ABCA10: variants seen among roughly 807,000 people sequenced by gnomAD.
ABCA10 encodes the protein ATP-binding cassette sub-family A member 10.
ABCA10 carries 169 observed loss-of-function variants against 187.5 expected under a neutral mutation model. That is an observed-to-expected ratio of 0.90 (90% CI 0.80 to 1.02). The LOEUF (loss-of-function observed/expected upper bound fraction) is 1.02, where lower values mean the gene tolerates loss of function less well. Among genes scored for constraint, ABCA10 ranks in the 50% least tolerant of loss-of-function variants. ABCA10 has a pLI of 0.00. For missense variants in ABCA10, 1,727 were observed against 1,812.4 expected, an observed-to-expected ratio of 0.95 and a Z score of 0.86; for synonymous variants, 574 against 601.8, an observed-to-expected ratio of 0.95 and a Z score of 0.68.
chr17:69,238,569 A>C (rs1378227749), intron 1 of ABCA10, among the ~76,000 whole-genome samples: 1 of 152,212 alleles, frequency 6.6e-6, no homozygotes, highest in East Asian at 1.9e-4. Context: ...ACTCTGTCAG[A>C]GAGGGCATGA....
chr17:69,231,990 T>C (rs2074835148), upstream of ABCA10, among the ~76,000 whole-genome samples: 1 of 152,144 alleles, frequency 6.6e-6, no homozygotes, highest in Non-Finnish European at 1.5e-5. Context: ...GGCCTCTTTA[T>C]CATTATATAA....
intron 19 of ABCA10, 91 bp from the exon 20 acceptor site, chr17:69,185,734 A>G: frequency 9.8e-7 from 1 of 1,021,954 alleles, no homozygotes. Flanking sequence ...TAACTATGGA[A>G]AGTCCACATG....
At chr17:69,161,214 G>A (rs1238724940) in intron 27 of ABCA10, among the ~76,000 whole-genome samples, 4 of 152,116 alleles carry the variant, frequency 2.6e-5, no homozygotes, top group African/African-American at 7.2e-5. Context: ...AAAATTTATA[G>A]AAGCAGAAAG....
Position 69,164,110 on chromosome 17 carries a change from A to T in ABCA10, c.3327T>A (p.Asn1109Lys). 1 of 1,590,874 alleles carries T rather than the reference A, an allele frequency of 6.3e-7. No individual in the cohort carries two copies. The highest frequency in any genetic ancestry group is 8.5e-7 in the Non-Finnish European group (1 of 1,172,234). ...TTAAAAGAATGGTTTTATTGACTTC[A>T]TTTATTCTATTGTCCAGACTGTCCA... ...RNLDSLDNRI[N>K]EVNKTILLTT... The change falls in exon 27 of 39, where the codon AAT becomes AAA. Residue 1109 changes from asparagine (N) to lysine (K), a missense_variant. Physicochemically the swap from Asn to Lys is moderately conservative, Grantham distance 94 (BLOSUM62 0). Transcript: ENST00000690296.
rs1295382746 is a variant in ABCA10 at position 69,153,364 on chromosome 17, T to C, written c.4077A>G (p.Ser1359=). The C allele has an allele frequency of 3.1e-6, 5 of 1,613,800 alleles. No individual in the cohort carries two copies. In the Admixed American group the frequency reaches 5.0e-5, roughly 16 times the overall value. The change falls in exon 34 of 39, where the codon TCA becomes TCG. Residue 1359 remains serine, a synonymous_variant. Transcript: ENST00000690296. ...TGAACGGCTCATCTAGAAGCACCAC[T>C]GATGGGTTCCCCAGGATGCTCAGCA... is the stretch of plus-strand genomic sequence containing the variant. ...CFVLSILGNP[S]VVLLDEPFTG...
In ABCA10 at chr17:69,201,713, A is replaced by G. The variant is rs139050388; in HGVS notation, c.1007-45T>C. 2,562 of 1,423,072 alleles carry G rather than the reference A, an allele frequency of 1.8e-3. 29 individuals carry two copies. The African/African-American group carries it at 0.031, about 17-fold the overall frequency. The allele number at this position is 1,423,072 out of a possible 1,614,324, so 88.2% of individuals were successfully genotyped here. A position where few individuals can be genotyped will look rare whatever the true frequency, so the allele number is the denominator to read the frequency against. On this transcript the variant is annotated intron_variant, in intron 9 of 38. Coordinates refer to ENST00000690296, the MANE Select transcript of ABCA10 (RefSeq NM_001377321.1). Reference sequence around the variant, plus strand: ...TTACATATTGCATCAATTATACCACACCAATAAAAAGGGACATCTGTCCTT... The same window carrying G: ...TTACATATTGCATCAATTATACCACGCCAATAAAAAGGGACATCTGTCCTT...
chr17:69,178,012 A>ATATATATAT (rs2074350452), intron 22 of ABCA10, among the ~76,000 whole-genome samples: 3 of 60,356 alleles, frequency 5.0e-5, no homozygotes, highest in Non-Finnish European at 1.4e-4. Flanking sequence ...TATATAGTGA[A>ATATATATAT]ATAATAATAT....
At chr17:69,164,818 A>G (rs1191516060) in intron 26 of ABCA10, 146 bp downstream of exon 26, 2 of 1,094,020 alleles carry the variant, frequency 1.8e-6, no homozygotes, top group Non-Finnish European at 2.5e-6. Flanking sequence ...TTTCAATTTT[A>G]TACAGCTTTA....
At chr17:69,161,036 T>C (rs1217689281) in intron 27 of ABCA10, among the ~76,000 whole-genome samples, 2 of 152,178 alleles carry the variant, frequency 1.3e-5, no homozygotes, top group Non-Finnish European at 2.9e-5. Context: ...ATTTTTTAAA[T>C]TATGGTATAT....
chr17:69,162,132 T>C (rs2074222608), intron 27 of ABCA10, among the ~76,000 whole-genome samples: 1 of 152,194 alleles, frequency 6.6e-6, no homozygotes, highest in Non-Finnish European at 1.5e-5. Flanking sequence ...AGGACAAAAC[T>C]GTTGTGCCCA....
At chr17:69,162,618 C>A (rs2074225078) in intron 27 of ABCA10, among the ~76,000 whole-genome samples, 2 of 151,990 alleles carry the variant, frequency 1.3e-5, no homozygotes, top group African/African-American at 2.4e-5. Context: ...CTTCTGAATT[C>A]TTTTTGTTTC....
At chr17:69,239,297 T>C (rs2074890139) in intron 1 of ABCA10, among the ~76,000 whole-genome samples, 1 of 152,194 alleles carries the variant, frequency 6.6e-6, no homozygotes, top group Non-Finnish European at 1.5e-5. Context: ...AGAGGCCTTA[T>C]CCTTCTTGAT....
chr17:69,200,332 A>C (rs1357367852), intron 10 of ABCA10, among the ~76,000 whole-genome samples: 1 of 152,202 alleles, frequency 6.6e-6, no homozygotes, highest in Non-Finnish European at 1.5e-5. Context: ...CTTTAGCTGA[A>C]ATTAATAAGG....
chr17:69,243,056 A>C (rs572481880), intron 1 of ABCA10, among the ~76,000 whole-genome samples: 21 of 152,338 alleles, frequency 1.4e-4, no homozygotes, highest in African/African-American at 4.6e-4. Flanking sequence ...CCCCTTGATC[A>C]GTCCCAATTG....
rs2074169658 is a variant in ABCA10, at chr17:69,155,829, TG to T, written c.3551del (p.Ala1184AspfsTer13). 4.3e-6 allele frequency: 7 copies of T among 1,613,668 alleles called. No individual in the cohort carries two copies. In the South Asian group the frequency reaches 5.5e-5, roughly 13 times the overall value. On this transcript the variant is annotated frameshift_variant, in exon 29 of 39. Transcript: ENST00000690296. LOFTEE classifies it high-confidence loss of function. ...CCTCCTCCAAGTTTGGAGCAGTGAG[TG>T]CATTTGCTGCTTGGACTCTTTCAGC... ...VQAERVQAANALTAPNLEEEP... is the reference protein window; with the variant it reads ...VQAERVQAANXLTAPNLEEEP...
Position 69,164,070 on chromosome 17 carries a change from T to C in ABCA10, c.3363+4A>G. Reference sequence around the variant, plus strand: ...TATATATTTAGGTAGAAAATGTTCCTTACTATTAAGGTTGTTAAAAGAATG... The same window carrying C: ...TATATATTTAGGTAGAAAATGTTCCCTACTATTAAGGTTGTTAAAAGAATG... On this transcript the variant is annotated splice_donor_region_variant and intron_variant, in intron 27 of 38. Transcript: ENST00000690296. 1.3e-6 allele frequency: 2 copies of C among 1,541,698 alleles called. No individual in the cohort carries two copies. Among genetic ancestry groups the C allele is most frequent in the Non-Finnish European group, 1.7e-6 (2 of 1,150,268 alleles).
In ABCA10 at chr17:69,236,682, T is replaced by C. The variant is rs567862855; in HGVS notation, c.-592-7822A>G. ...TGAATCAATTTTCAACCCAAATCAA[T>C]GCATTAAATCAGTATTTTCAAATGG... is the stretch of plus-strand genomic sequence containing the variant. On this transcript the variant is annotated intron_variant, in intron 1 of 39. Transcript: ENST00000269081. Among the ~76,000 whole-genome samples, 7 of 152,322 alleles carry C rather than the reference T, an allele frequency of 4.6e-5. 1 individual carries two copies. In the East Asian group the frequency reaches 1.3e-3, roughly 29 times the overall value.
intron 10 of ABCA10, among the ~76,000 whole-genome samples, chr17:69,200,959 C>G (rs942369020): frequency 2.0e-5 from 3 of 152,160 alleles, no homozygotes; most frequent in Non-Finnish European, 4.4e-5. Flanking sequence ...GTGATCTGCC[C>G]ATCTGAGCCT....
At chr17:69,213,738 C>T (rs575589641) in intron 9 of ABCA10, among the ~76,000 whole-genome samples, 11 of 152,214 alleles carry the variant, frequency 7.2e-5, no homozygotes, top group Non-Finnish European at 1.6e-4. Context: ...GCGCTAGTAC[C>T]TACATTTCCT....
Sources: allele counts gnomAD v4.1 joint callset (sites outside exome capture counted in the v4.1 genomes callset), GRCh38; gene constraint gnomAD v4.1.1; transcripts MANE v1.5; gene names NCBI Gene and HGNC (gene_info 2026-07-23, HGNC 2026-07-21).